The following DDX6 variants were observed in gnomAD, a reference collection of about 807,000 sequenced individuals.
DDX6 encodes DEAD-box helicase 6.
DDX6 carries 7 observed loss-of-function variants against 60.6 expected under a neutral mutation model. That is an observed-to-expected ratio of 0.12 (90% confidence interval 0.07 to 0.22). DDX6 has a LOEUF of 0.22. DDX6 is among the 10% of genes least tolerant of loss of function. The pLI is 1.00. For synonymous variants in DDX6, 207 were observed against 201.0 expected, an observed-to-expected ratio of 1.03 and a Z score of -0.25; for missense variants, 270 against 589.9, an observed-to-expected ratio of 0.46 and a Z score of 5.62.
chr11:118,788,979 C>G (rs1411724562), intron 1 of DDX6: 1 of 151,970 alleles, frequency 6.6e-6, no homozygotes, highest in Non-Finnish European at 1.5e-5. Context: ...CCGTGCCCGG[C>G]TGAAATCTTA....
Position 118,763,290 on chromosome 11 carries a change from A to G in DDX6, c.663T>C (p.Ala221=). The part of the protein sequence containing the change: ...RLDDTVHVVI[A]TPGRILDLIK... ...TAAGATCCAGGATTCTCCCAGGGGTAGCAATCACCACGTGCACTATGCAAG... is the reference window on the plus strand; with the variant it reads ...TAAGATCCAGGATTCTCCCAGGGGTGGCAATCACCACGTGCACTATGCAAG... Residue 221 remains alanine (A), a synonymous_variant, in exon 7 of 14, where the codon GCT becomes GCC. Transcript: ENST00000534980. 2 of 1,612,808 alleles carry G rather than the reference A, an allele frequency of 1.2e-6. No homozygotes were observed. Among genetic ancestry groups the G allele is most frequent in the Admixed American group, 1.7e-5 (1 of 59,982 alleles).
intron 4 of DDX6, among the ~76,000 whole-genome samples, chr11:118,775,465 T>C (rs781891869): frequency 2.6e-5 from 4 of 152,158 alleles, no homozygotes; most frequent in South Asian, 2.1e-4. Flanking sequence ...GTAACTCTGA[T>C]TGATTCTAAG....
intron 2 of DDX6, 24 bp downstream of exon 2, chr11:118,786,028 T>A (rs200498162): frequency 4.0e-5 from 64 of 1,597,676 alleles, no homozygotes; most frequent in Non-Finnish European, 5.0e-5. Flanking sequence ...CAAGTGTTTA[T>A]TAATAATTTA....
intron 2 of DDX6, among the ~76,000 whole-genome samples, chr11:118,784,310 G>A (rs758848751): frequency 4.6e-5 from 7 of 151,938 alleles, no homozygotes; most frequent in African/African-American, 7.3e-5. Context: ...AACCACATAC[G>A]GTAACTATAT....
chr11:118,763,733 C>G (rs555090445), intron 6 of DDX6, among the ~76,000 whole-genome samples: 1 of 151,266 alleles, frequency 6.6e-6, no homozygotes, highest in Non-Finnish European at 1.5e-5. Flanking sequence ...ACTCAGGAGG[C>G]TGAGGTAGGA....
intron 2 of DDX6, among the ~76,000 whole-genome samples, chr11:118,782,171 G>A (rs1460161105): frequency 2.0e-5 from 3 of 152,094 alleles, no homozygotes; most frequent in Admixed American, 6.6e-5. Context: ...GCAAGGCTCC[G>A]TTCCAAATAA....
chr11:118,774,464 CTTTTTTT>C, intron 4 of DDX6, among the ~76,000 whole-genome samples: 1 of 116,424 alleles, frequency 8.6e-6, no homozygotes, highest in African/African-American at 3.2e-5. Context: ...CTCTAACAGT[CTTTTTTT>C]TTTTTTTTTT....
chr11:118,780,767 GC>G (rs1861870432), intron 3 of DDX6, among the ~76,000 whole-genome samples: 1 of 152,142 alleles, frequency 6.6e-6, no homozygotes, highest in Non-Finnish European at 1.5e-5. Flanking sequence ...AATTTCTCAA[GC>G]TCAGCACTAC....
At chr11:118,768,423 C>T in intron 4 of DDX6, 71 bp from the exon 5 acceptor site, 1 of 1,518,794 alleles carries the variant, frequency 6.6e-7, no homozygotes, top group East Asian at 2.3e-5. Context: ...CTGAAATACA[C>T]TGAAGGATAC....
At chr11:118,766,767 C>T (rs112910608) in intron 5 of DDX6, among the ~76,000 whole-genome samples, 33,994 of 150,972 alleles carry the variant, frequency 0.23, 3,960 homozygotes, top group South Asian at 0.32. Flanking sequence ...TTAGTAGAGA[C>T]GGGGATTCAT....
rs782624905 is a variant in DDX6 at position 118,755,433 on chromosome 11, T to C, written c.1245A>G (p.Ala415=). 5.0e-6 allele frequency: 8 copies of C among 1,610,912 alleles called. No homozygotes were observed. The highest frequency in any genetic ancestry group is 3.3e-5 in the South Asian group (3 of 91,004). ...VVINFDFPKL[A]ETYLHRIGRS... is the part of the protein sequence containing the mutation. ...TTCCAATACGATGGAGATAGGTCTCTGCCAGCTTTGGGAAATCAAAGTTTA... is the reference window on the plus strand; with the variant it reads ...TTCCAATACGATGGAGATAGGTCTCCGCCAGCTTTGGGAAATCAAAGTTTA... Residue 415 remains alanine, a synonymous_variant, in exon 12 of 14, where the codon GCA becomes GCG. Transcript: ENST00000534980.
chr11:118,770,819 T>C (rs1239661447), intron 4 of DDX6, among the ~76,000 whole-genome samples: 2 of 149,828 alleles, frequency 1.3e-5, no homozygotes, highest in African/African-American at 4.9e-5. Flanking sequence ...GAGGAGGAGG[T>C]TGCAGTGGGC....
chr11:118,765,380 A>C (rs782781885), intron 5 of DDX6, 25 bp from the exon 6 acceptor site: 27 of 1,612,706 alleles, frequency 1.7e-5, no homozygotes, highest in Non-Finnish European at 2.1e-5. Context: ...AGGAATATAT[A>C]AGAAAATATG....
At chr11:118,776,636 C>T (rs1861707595) in intron 4 of DDX6, among the ~76,000 whole-genome samples, 1 of 151,978 alleles carries the variant, frequency 6.6e-6, no homozygotes, top group Admixed American at 6.6e-5. Context: ...AGATCGAGAC[C>T]ATCCTGGCTA....
Position 118,750,794 on chromosome 11 carries a change from T to C in DDX6, c.*1311A>G, listed in dbSNP as rs553593157. Reference sequence around the variant, plus strand: ...GCTTCTCAAAATAAATGTTGAATTATCAATGTTTTGAAGCTTCCTTGCTCT... The same window carrying C: ...GCTTCTCAAAATAAATGTTGAATTACCAATGTTTTGAAGCTTCCTTGCTCT... On this transcript the variant is annotated 3_prime_UTR_variant, in exon 14 of 14. Transcript: ENST00000534980. 2 of 152,334 alleles carry C rather than the reference T, an allele frequency of 1.3e-5. No homozygotes were observed. The highest frequency in any genetic ancestry group is 1.3e-4 in the Admixed American group (2 of 15,276). 9.4% of individuals were successfully genotyped at this position (152,334 alleles called of 1,614,324 possible). A position where few individuals can be genotyped will look rare whatever the true frequency, so the allele number is the denominator to read the frequency against.
rs1862065272 is a variant in DDX6, at chr11:118,786,101, T to C, written c.151A>G (p.Ile51Val). ...QMNQLKNTNTINNGTQQQAQS... is the reference protein window; with the variant it reads ...QMNQLKNTNTVNNGTQQQAQS... ...GCTTGCTGCTGAGTGCCATTATTGA[T>C]TGTGTTGGTGTTTTTCAGCTGGTTC... Residue 51 changes from isoleucine (I) to valine (V), a missense_variant, in exon 2 of 14, where the codon ATC becomes GTC. Ile to Val is a conservative substitution (Grantham distance 29). Coordinates refer to ENST00000534980, the MANE Select transcript of DDX6 (RefSeq NM_004397.6). 2.5e-6 allele frequency: 4 copies of C among 1,613,852 alleles called. No homozygotes were observed. The highest frequency in any genetic ancestry group is 2.5e-6 in the Non-Finnish European group (3 of 1,179,878).
chr11:118,760,823 C>CAAAA (rs544626778), intron 7 of DDX6, among the ~76,000 whole-genome samples: 3 of 56,524 alleles, frequency 5.3e-5, no homozygotes, highest in East Asian at 9.9e-4. Flanking sequence ...TACTCCGTCT[C>CAAAA]AAAAAAAAAA....
At chr11:118,790,260 C>T (rs1239555876) in intron 1 of DDX6, 1 of 152,194 alleles carries the variant, frequency 6.6e-6, no homozygotes, top group Admixed American at 6.5e-5. Context: ...GCCCCACGCC[C>T]CAAACACACA....
chr11:118,783,555 C>A (rs1454581222), intron 2 of DDX6, among the ~76,000 whole-genome samples: 1 of 152,080 alleles, frequency 6.6e-6, no homozygotes, highest in African/African-American at 2.4e-5. Context: ...GTAATCCCAG[C>A]ACTCTGGGAG....
Sources: gnomAD v4.1 joint callset for allele counts (sites outside exome capture counted in the v4.1 genomes callset) on GRCh38, gnomAD v4.1.1 for gene constraint, MANE v1.5 for transcripts, NCBI Gene and HGNC (gene_info 2026-07-23, HGNC 2026-07-21) for gene names.